Variants in ARHGAP8 observed in about 807,000 individuals in gnomAD.
ARHGAP8 encodes rho GTPase-activating protein 8.
In ARHGAP8, 62 loss-of-function variants were observed where a neutral mutation model predicts 46.1. That is an observed-to-expected ratio of 1.34 (90% CI 1.10 to 1.66). The LOEUF (loss-of-function observed/expected upper bound fraction) is 1.66, where lower values mean the gene tolerates loss of function less well. Ranked by LOEUF, ARHGAP8 falls within the 40% of genes most tolerant of loss-of-function variation. The pLI is 0.00. For synonymous variants in ARHGAP8, 375 were observed against 243.1 expected, an observed-to-expected ratio of 1.54 and a Z score of -5.05; for missense variants, 923 against 568.4, an observed-to-expected ratio of 1.62 and a Z score of -6.34.
At chr22:44,757,000 C>T (rs1006539531) in intron 1 of ARHGAP8, among the ~76,000 whole-genome samples, 3 of 152,134 alleles carry the variant, frequency 2.0e-5, no homozygotes, top group South Asian at 2.1e-4. Context: ...ACTGCGGCCT[C>T]GAACTCCTGG....
chr22:44,850,495 C>A (rs780457760), intron 10 of ARHGAP8: 1 of 152,192 alleles, frequency 6.6e-6, no homozygotes, highest in Non-Finnish European at 1.5e-5. Context: ...AGAGAAGCTT[C>A]CAGAAGCCTC....
intron 6 of ARHGAP8, among the ~76,000 whole-genome samples, chr22:44,824,170 A>T (rs1602228337): frequency 6.6e-6 from 1 of 152,230 alleles, no homozygotes; most frequent in East Asian, 1.9e-4. Flanking sequence ...CCTGGCTGTC[A>T]TCCCAGCTTG....
At chr22:44,794,201 C>T (rs946868291) in intron 2 of ARHGAP8, among the ~76,000 whole-genome samples, 1 of 152,342 alleles carries the variant, frequency 6.6e-6, no homozygotes, top group African/African-American at 2.4e-5. Flanking sequence ...TAACAGCTCA[C>T]AGTGCACTTA....
intron 1 of ARHGAP8, among the ~76,000 whole-genome samples, chr22:44,782,804 G>A (rs1005504118): frequency 1.3e-5 from 2 of 152,164 alleles, no homozygotes; most frequent in Non-Finnish European, 2.9e-5. Context: ...CTGAGCATGC[G>A]TGTACGTGTA....
chr22:44,776,173 A>G (rs1469284445), intron 1 of ARHGAP8, among the ~76,000 whole-genome samples: 1 of 152,194 alleles, frequency 6.6e-6, no homozygotes, highest in Non-Finnish European at 1.5e-5. Context: ...GCATCCAGCC[A>G]GGCGCAGTGG....
chr22:44,786,163 G>A (rs1288659837), intron 1 of ARHGAP8: 7 of 521,742 alleles, frequency 1.3e-5, no homozygotes, highest in Admixed American at 7.0e-5. Context: ...GGCTGATGTC[G>A]AGTGCATAAT....
intron 11 of ARHGAP8, 110 bp from the exon 12 acceptor site, chr22:44,862,165 C>A: frequency 7.5e-7 from 1 of 1,342,268 alleles, no homozygotes. Context: ...GGCTCCCAGT[C>A]CAGTGCTCCT....
At chr22:44,814,872 G>A in intron 5 of ARHGAP8, 114 bp downstream of exon 5, 3 of 1,265,546 alleles carry the variant, frequency 2.4e-6, no homozygotes, top group Non-Finnish European at 3.3e-6. Context: ...CAGGGTGCCT[G>A]TGTATCTGGG....
At chr22:44,822,167 A>G (rs896478417) in intron 5 of ARHGAP8, among the ~76,000 whole-genome samples, 1 of 152,166 alleles carries the variant, frequency 6.6e-6, no homozygotes, top group Non-Finnish European at 1.5e-5. Context: ...TGTTTGGTGC[A>G]TTGGAGATCT....
At chr22:44,836,783 C>G (rs1931316713) in intron 7 of ARHGAP8, among the ~76,000 whole-genome samples, 1 of 152,102 alleles carries the variant, frequency 6.6e-6, no homozygotes, top group Non-Finnish European at 1.5e-5. Flanking sequence ...GGGTGCCCAG[C>G]TGAGGCAGGC....
chr22:44,836,535 C>T (rs1017673238), intron 7 of ARHGAP8, among the ~76,000 whole-genome samples: 8 of 151,046 alleles, frequency 5.3e-5, no homozygotes, highest in Non-Finnish European at 5.9e-5. Context: ...TAGTATTGCA[C>T]GTGGTGCACA....
intron 2 of ARHGAP8, among the ~76,000 whole-genome samples, chr22:44,787,142 C>T (rs993660783): frequency 2.6e-5 from 4 of 152,036 alleles, no homozygotes; most frequent in African/African-American, 4.8e-5. Flanking sequence ...CCAGGTGCTC[C>T]GAGAAGCCAA....
chr22:44,859,286 C>T (rs1044297747), intron 10 of ARHGAP8, among the ~76,000 whole-genome samples: 1 of 152,164 alleles, frequency 6.6e-6, no homozygotes, highest in African/African-American at 2.4e-5. Flanking sequence ...GCAGATACCT[C>T]ATGGGTTGGT....
chr22:44,781,814 C>A (rs889015577), intron 1 of ARHGAP8, among the ~76,000 whole-genome samples: 2 of 151,978 alleles, frequency 1.3e-5, no homozygotes, highest in African/African-American at 4.8e-5. Flanking sequence ...CGTGAGCCAC[C>A]GTGCCTGGCC....
intron 2 of ARHGAP8, among the ~76,000 whole-genome samples, chr22:44,796,903 T>A (rs1478365556): frequency 5.9e-5 from 9 of 152,194 alleles, no homozygotes; most frequent in African/African-American, 2.2e-4. Context: ...GGCCTTCTCA[T>A]GGGGGTGCCC....
chr22:44,785,988 C>G (rs1015175050), intron 1 of ARHGAP8: 1 of 159,840 alleles, frequency 6.3e-6, no homozygotes, highest in African/African-American at 2.4e-5. Context: ...GTCACTCTCC[C>G]TCTCTGAGCC....
intron 1 of ARHGAP8, among the ~76,000 whole-genome samples, chr22:44,758,513 A>G (rs1924867681): frequency 6.6e-6 from 1 of 152,098 alleles, no homozygotes; most frequent in South Asian, 2.1e-4. Context: ...GAGGAGGTAG[A>G]TTTGAATTGA....
chr22:44,794,580 C>G (rs1344546045), intron 2 of ARHGAP8, among the ~76,000 whole-genome samples: 1 of 151,968 alleles, frequency 6.6e-6, no homozygotes, highest in African/African-American at 2.4e-5. Flanking sequence ...CATGGTGGTG[C>G]GCACCTGTAG....
In ARHGAP8 at chr22:44,776,427, G is replaced by A. The variant is rs144843816; in HGVS notation, c.-71-10030G>A. On this transcript the variant is annotated intron_variant, in intron 1 of 11. Coordinates refer to ENST00000356099, the MANE Select transcript of ARHGAP8 (RefSeq NM_181335.3). ...AGGTCGCGCCATTGCACTCCAGCCT[G>A]GACAATAAGAGTGAAACTCCGTCTC... is the stretch of plus-strand genomic sequence containing the variant. Among the ~76,000 whole-genome samples, 558 of 150,514 alleles carry A rather than the reference G, an allele frequency of 3.7e-3. 2 individuals carry two copies. The highest frequency in any genetic ancestry group is 5.6e-3 in the Non-Finnish European group (383 of 67,832).
Sources: allele counts gnomAD v4.1 joint callset (sites outside exome capture counted in the v4.1 genomes callset), GRCh38; gene constraint gnomAD v4.1.1; transcripts MANE v1.5; gene names NCBI Gene and HGNC (gene_info 2026-07-23, HGNC 2026-07-21).